The following ARHGAP28 variants were observed in gnomAD, a reference collection of about 807,000 sequenced individuals.
ARHGAP28 encodes Rho GTPase activating protein 28.
Under a neutral mutation model 90.7 loss-of-function variants are expected in ARHGAP28, and 56 were observed. The observed-to-expected ratio is 0.62, with a 90% CI of 0.50 to 0.77. The LOEUF (loss-of-function observed/expected upper bound fraction) is 0.77, where lower values mean the gene tolerates loss of function less well. Among genes scored for constraint, ARHGAP28 ranks in the 30% least tolerant of loss-of-function variants. The pLI, the probability that ARHGAP28 is intolerant of heterozygous loss-of-function variation, is 0.00. For missense variants in ARHGAP28, 869 were observed against 900.9 expected, an observed-to-expected ratio of 0.96 and a Z score of 0.45; for synonymous variants, 308 against 323.3, an observed-to-expected ratio of 0.95 and a Z score of 0.51.
intron 1 of ARHGAP28, among the ~76,000 whole-genome samples, chr18:6,802,802 T>G (rs2143636476): frequency 6.6e-6 from 1 of 152,330 alleles, no homozygotes; most frequent in African/African-American, 2.4e-5. Flanking sequence ...TCAGCAATGT[T>G]TGCAGTGTTC....
intron 2 of ARHGAP28, among the ~76,000 whole-genome samples, chr18:6,834,709 G>T (rs938543693): frequency 2.0e-5 from 3 of 152,176 alleles, no homozygotes; most frequent in African/African-American, 7.2e-5. Flanking sequence ...CAGGGTCACG[G>T]CAGAAGAGAT....
chr18:6,737,495 T>G (rs1238653163), intron 1 of ARHGAP28, among the ~76,000 whole-genome samples: 4 of 152,202 alleles, frequency 2.6e-5, no homozygotes, highest in Non-Finnish European at 5.9e-5. Context: ...TAATTTACTT[T>G]TGATTAGATA....
chr18:6,797,853 G>C (rs1048706439), intron 1 of ARHGAP28, among the ~76,000 whole-genome samples: 2 of 151,988 alleles, frequency 1.3e-5, no homozygotes, highest in African/African-American at 4.8e-5. Flanking sequence ...GTAGAGACAG[G>C]GTTTCACCAT....
intron 16 of ARHGAP28, among the ~76,000 whole-genome samples, chr18:6,899,747 GC>G (rs2057328427): frequency 6.6e-6 from 1 of 152,126 alleles, no homozygotes; most frequent in Non-Finnish European, 1.5e-5. Context: ...AGGCCATTTA[GC>G]ACAAATGTCA....
At chr18:6,867,115 A>G (rs2057043569) in intron 5 of ARHGAP28, among the ~76,000 whole-genome samples, 1 of 152,138 alleles carries the variant, frequency 6.6e-6, no homozygotes, top group Non-Finnish European at 1.5e-5. Context: ...TTGGGCATCT[A>G]TGTTTTAATA....
intron 1 of ARHGAP28, among the ~76,000 whole-genome samples, chr18:6,736,367 A>T (rs2055927279): frequency 6.6e-6 from 1 of 151,716 alleles, no homozygotes; most frequent in Admixed American, 6.6e-5. Context: ...GTCTGACTTT[A>T]TGAAAGCTCT....
At chr18:6,830,220 T>C (rs1443241538) in intron 2 of ARHGAP28, among the ~76,000 whole-genome samples, 1 of 152,258 alleles carries the variant, frequency 6.6e-6, no homozygotes, top group Admixed American at 6.5e-5. Context: ...TTATAAAATA[T>C]GCCATAGATT....
intron 10 of ARHGAP28, 67 bp downstream of exon 10, chr18:6,876,275 C>T (rs1464812378): frequency 6.0e-6 from 7 of 1,170,358 alleles, no homozygotes; most frequent in African/African-American, 4.5e-5. Context: ...ACACAAGCAT[C>T]GGGGATCCAG....
At chr18:6,788,299 T>C (rs1181693163) in intron 1 of ARHGAP28, among the ~76,000 whole-genome samples, 1 of 152,114 alleles carries the variant, frequency 6.6e-6, no homozygotes. Flanking sequence ...CCTTTGGCCA[T>C]GATTGTAAGT....
chr18:6,864,786 G>A (rs2057025680), intron 5 of ARHGAP28, among the ~76,000 whole-genome samples: 1 of 152,122 alleles, frequency 6.6e-6, no homozygotes, highest in Non-Finnish European at 1.5e-5. Context: ...CTGGGTTCAA[G>A]CTGTTGGCCT....
chr18:6,759,919 A>G (rs191589668), intron 1 of ARHGAP28, among the ~76,000 whole-genome samples: 11 of 152,344 alleles, frequency 7.2e-5, no homozygotes, highest in Admixed American at 2.0e-4. Flanking sequence ...TGATTCAACA[A>G]GAAGGCTATG....
chr18:6,836,990 T>C (rs1361236097), intron 2 of ARHGAP28, among the ~76,000 whole-genome samples: 1 of 152,188 alleles, frequency 6.6e-6, no homozygotes, highest in Non-Finnish European at 1.5e-5. Flanking sequence ...AGTCTGCCAA[T>C]TACCTTACTC....
At chr18:6,730,051 G>A (rs2055863349) in intron 1 of ARHGAP28, 108 bp downstream of exon 1, 1 of 1,156,106 alleles carries the variant, frequency 8.6e-7, no homozygotes, top group Non-Finnish European at 1.1e-6. Context: ...ACTGGATGTT[G>A]TTTCAAGTTT....
At chr18:6,824,104 C>T (rs918471487) in intron 1 of ARHGAP28, among the ~76,000 whole-genome samples, 10 of 152,246 alleles carry the variant, frequency 6.6e-5, no homozygotes, top group African/African-American at 2.4e-4. Flanking sequence ...TCTGCCATCA[C>T]CATAGATAGG....
intron 12 of ARHGAP28, 96 bp downstream of exon 12, chr18:6,887,335 G>C (rs767139484): frequency 4.1e-5 from 44 of 1,064,262 alleles, no homozygotes; most frequent in Non-Finnish European, 6.2e-5. Flanking sequence ...ACAGCTCACT[G>C]AGCCACCTGA....
At chr18:6,852,374 A>G (rs1232122822) in intron 4 of ARHGAP28, among the ~76,000 whole-genome samples, 1 of 152,210 alleles carries the variant, frequency 6.6e-6, no homozygotes, top group East Asian at 1.9e-4. Context: ...TGAAAATGTA[A>G]AATAATCCTT....
At chr18:6,803,596 A>T (rs1432584422) in intron 1 of ARHGAP28, among the ~76,000 whole-genome samples, 1 of 152,088 alleles carries the variant, frequency 6.6e-6, no homozygotes, top group Non-Finnish European at 1.5e-5. Context: ...GCCTCATAGA[A>T]TGAGTTAGTG....
At chr18:6,777,190 A>G (rs1321299651) in intron 1 of ARHGAP28, among the ~76,000 whole-genome samples, 1 of 152,218 alleles carries the variant, frequency 6.6e-6, no homozygotes, top group Non-Finnish European at 1.5e-5. Flanking sequence ...ACAGCAAAAT[A>G]GAAAAAGATG....
chr18:6,824,593 G>A (rs1028911912), intron 1 of ARHGAP28, among the ~76,000 whole-genome samples, 169 bp from the exon 2 acceptor site: 4 of 151,850 alleles, frequency 2.6e-5, no homozygotes, highest in Non-Finnish European at 5.9e-5. Flanking sequence ...TTTTTTAAAA[G>A]GGCCACCACT....
Sources: gnomAD v4.1 joint callset for allele counts (sites outside exome capture counted in the v4.1 genomes callset) on GRCh38, gnomAD v4.1.1 for gene constraint, MANE v1.5 for transcripts, NCBI Gene and HGNC (gene_info 2026-07-23, HGNC 2026-07-21) for gene names.